Variants in CSMD1 observed in about 807,000 individuals in gnomAD.
The protein encoded by CSMD1 is CUB and sushi domain-containing protein 1.
Under a neutral mutation model 417.5 loss-of-function variants are expected in CSMD1, and 213 were observed. That is an observed-to-expected ratio of 0.51 (90% CI 0.46 to 0.57). The LOEUF is 0.57. Among genes scored for constraint, CSMD1 ranks in the 20% least tolerant of loss-of-function variants. CSMD1 has a pLI of 0.00. For missense variants in CSMD1, 6,923 were observed against 4,529.7 expected, an observed-to-expected ratio of 1.53 and a Z score of -15.17; for synonymous variants, 2,862 against 1,736.8, an observed-to-expected ratio of 1.65 and a Z score of -16.11.
At chr8:4,060,951 A>C (rs992518206) in intron 3 of CSMD1, among the ~76,000 whole-genome samples, 1 of 152,224 alleles carries the variant, frequency 6.6e-6, no homozygotes, top group African/African-American at 2.4e-5. Flanking sequence ...CTTCTCATTG[A>C]AAGTGTGGAG....
chr8:3,671,541 ATATG>A (rs1379046838), intron 7 of CSMD1, among the ~76,000 whole-genome samples: 269 of 5,712 alleles, frequency 0.047, 42 homozygotes, highest in Non-Finnish European at 0.062. Context: ...ATATATATAT[ATATG>A]ATCATATATA....
In CSMD1 at chr8:3,625,749, C is replaced by G. The variant is rs573035207; in HGVS notation, c.1010-8952G>C. ...ATTCTTACTACTCCCTACAGAGATC[C>G]TATGATCTCAGTAGTTTTGAACACT... is the stretch of plus-strand genomic sequence containing the variant. On this transcript the variant is annotated intron_variant, in intron 7 of 69. Coordinates refer to ENST00000635120, the MANE Select transcript of CSMD1 (RefSeq NM_033225.6). 5.3e-5 allele frequency among the ~76,000 whole-genome samples: 8 copies of G among 152,208 alleles called. No homozygotes were observed. The East Asian group carries it at 1.5e-3, about 29-fold the overall frequency.
At chr8:3,129,714 C>G (rs1317726372) in intron 41 of CSMD1, among the ~76,000 whole-genome samples, 1 of 146,986 alleles carries the variant, frequency 6.8e-6, no homozygotes, top group African/African-American at 2.5e-5. Context: ...CTGGGCCGGG[C>G]GGGGTGGCTC....
chr8:4,385,921 G>C (rs998110798), intron 3 of CSMD1, among the ~76,000 whole-genome samples: 1 of 152,158 alleles, frequency 6.6e-6, no homozygotes, highest in African/African-American at 2.4e-5. Context: ...AGGAATTCCA[G>C]AGTTTCTCAC....
intron 59 of CSMD1, among the ~76,000 whole-genome samples, chr8:2,963,843 T>C (rs1803711687): frequency 6.6e-6 from 1 of 152,174 alleles, no homozygotes; most frequent in Admixed American, 6.5e-5. Context: ...AAAGACACAG[T>C]CGGTCCATCT....
At chr8:4,315,024 C>T (rs1403384046) in intron 3 of CSMD1, among the ~76,000 whole-genome samples, 3 of 152,122 alleles carry the variant, frequency 2.0e-5, no homozygotes, top group Non-Finnish European at 4.4e-5. Flanking sequence ...AAAAGAGGTC[C>T]CTCTTCTAAT....
intron 2 of CSMD1, among the ~76,000 whole-genome samples, chr8:4,474,994 T>C (rs1232985583): frequency 6.6e-6 from 1 of 152,172 alleles, no homozygotes; most frequent in African/African-American, 2.4e-5. Context: ...AATTACGTTT[T>C]GGGGGAGTTG....
intron 30 of CSMD1, among the ~76,000 whole-genome samples, chr8:3,205,948 G>A (rs1056575946): frequency 2.2e-4 from 33 of 152,244 alleles, no homozygotes; most frequent in African/African-American, 7.2e-4. Context: ...AAGTCTCGCG[G>A]AGTTGTCTGT....
intron 43 of CSMD1, 88 bp downstream of exon 43, chr8:3,110,070 A>G: frequency 1.8e-6 from 2 of 1,092,710 alleles, no homozygotes; most frequent in Non-Finnish European, 1.3e-6. Flanking sequence ...TATTCTAAAT[A>G]TGTGCCTTGT....
chr8:3,828,660 C>T (rs559369311), intron 5 of CSMD1, among the ~76,000 whole-genome samples: 3 of 152,154 alleles, frequency 2.0e-5, no homozygotes, highest in South Asian at 4.1e-4. Context: ...TCCAAGCCAT[C>T]GTCATCTTTC....
intron 1 of CSMD1, among the ~76,000 whole-genome samples, chr8:4,916,119 C>G (rs1806052349): frequency 6.6e-6 from 1 of 152,176 alleles, no homozygotes; most frequent in Non-Finnish European, 1.5e-5. Context: ...CAGCAGGAGT[C>G]TGATGAAGTC....
intron 6 of CSMD1, among the ~76,000 whole-genome samples, chr8:3,752,374 G>A (rs1049564371): frequency 2.6e-5 from 4 of 152,064 alleles, no homozygotes; most frequent in South Asian, 2.1e-4. Context: ...ATATTTTGGC[G>A]CTGGGTACGG....
At chr8:4,854,657 G>A (rs1385397073) in intron 1 of CSMD1, among the ~76,000 whole-genome samples, 1 of 152,164 alleles carries the variant, frequency 6.6e-6, no homozygotes. Context: ...GTGACGGACA[G>A]CACCTGGAAA....
intron 8 of CSMD1, among the ~76,000 whole-genome samples, chr8:3,597,834 C>A (rs140578641): frequency 2.0e-5 from 3 of 150,130 alleles, no homozygotes; most frequent in Admixed American, 6.6e-5. Context: ...CGGGGCCTGT[C>A]GGGGGGTTGG....
At chr8:4,102,426 G>A (rs1238079349) in intron 3 of CSMD1, among the ~76,000 whole-genome samples, 1 of 152,144 alleles carries the variant, frequency 6.6e-6, no homozygotes, top group Non-Finnish European at 1.5e-5. Context: ...CCCTGATTCT[G>A]TCATAATAGA....
chr8:4,463,584 G>C (rs13250119), intron 2 of CSMD1, among the ~76,000 whole-genome samples: 5 of 152,076 alleles, frequency 3.3e-5, no homozygotes, highest in East Asian at 3.9e-4. Context: ...CAGAAGAAGT[G>C]AACTGCCGAT....
intron 2 of CSMD1, among the ~76,000 whole-genome samples, chr8:4,441,264 T>C (rs1460612279): frequency 7.3e-6 from 1 of 136,772 alleles, no homozygotes; most frequent in Non-Finnish European, 1.6e-5. Context: ...CACTCAGTTT[T>C]TTTTTTTTTT....
chr8:4,594,195 C>A (rs369126875), intron 2 of CSMD1, among the ~76,000 whole-genome samples: 1 of 92,374 alleles, frequency 1.1e-5, no homozygotes, highest in Non-Finnish European at 2.1e-5. Context: ...CTAAAGTGAT[C>A]TTTTTTTTTT....
intron 2 of CSMD1, among the ~76,000 whole-genome samples, chr8:4,471,442 G>A (rs557251543): frequency 1.3e-5 from 2 of 152,032 alleles, no homozygotes; most frequent in Non-Finnish European, 2.9e-5. Context: ...GTAGCTGTCA[G>A]CAAGCCTCTC....
Sources: gnomAD v4.1 joint callset for allele counts (sites outside exome capture counted in the v4.1 genomes callset) on GRCh38, gnomAD v4.1.1 for gene constraint, MANE v1.5 for transcripts, NCBI Gene and HGNC (gene_info 2026-07-23, HGNC 2026-07-21) for gene names.